Variants in LRRC37A observed in about 807,000 individuals in gnomAD.
LRRC37A encodes leucine rich repeat containing 37A.
In LRRC37A, 3 loss-of-function variants were observed where a neutral mutation model predicts 35.4. The ratio of observed to expected loss-of-function variants is 0.08; its 90% confidence interval spans 0.04 to 0.22. The LOEUF (loss-of-function observed/expected upper bound fraction) is 0.22. Ranked by LOEUF, LRRC37A falls within the 10% of genes least tolerant of loss-of-function variation. LRRC37A has a pLI of 1.00. For missense variants in LRRC37A, 67 were observed against 565.3 expected (o/e 0.12, Z 8.94); for synonymous variants, 23 against 215.0 (o/e 0.11, Z 7.81).
the LRRC37A span, among the ~76,000 whole-genome samples, chr17:46,264,203 A>G: frequency 6.8e-6 from 1 of 146,634 alleles, no homozygotes; most frequent in African/African-American, 2.6e-5. Flanking sequence ...AGCTCAAGTG[A>G]TCCGCTTCCC....
At chr17:46,258,318 C>T in the LRRC37A span, among the ~76,000 whole-genome samples, 1 of 151,968 alleles carries the variant, frequency 6.6e-6, no homozygotes, top group Admixed American at 6.6e-5. Flanking sequence ...TCAAGTGATT[C>T]TCCTGCCTCA....
chr17:46,265,309 CTTCTTCCTCT>C, the LRRC37A span, among the ~76,000 whole-genome samples: 156 of 96,136 alleles, frequency 1.6e-3, 1 homozygote, highest in East Asian at 0.044. Context: ...TCTTCTTCTT[CTTCTTCCTCT>C]TCTTCTTTTT....
the LRRC37A span, among the ~76,000 whole-genome samples, chr17:46,282,172 G>C: frequency 7.8e-6 from 1 of 128,738 alleles, no homozygotes; most frequent in Non-Finnish European, 1.9e-5. Flanking sequence ...GCGCAATCTC[G>C]GCTCACTGCA....
the LRRC37A span, chr17:46,268,673 A>G: frequency 0.09 from 111,542 of 1,244,746 alleles, 1 homozygote; most frequent in Middle Eastern, 0.13. Context: ...TTCAAGGTGC[A>G]ATTCATACCC....
the LRRC37A span, chr17:46,267,420 C>T: frequency 1.2e-6 from 2 of 1,612,656 alleles, no homozygotes; most frequent in East Asian, 4.5e-5. Context: ...AGATGAACCG[C>T]CTGTACCTCA....
At chr17:46,286,942 C>A in the LRRC37A span, among the ~76,000 whole-genome samples, 1 of 152,220 alleles carries the variant, frequency 6.6e-6, no homozygotes, top group South Asian at 2.1e-4. Context: ...GCAGTTAGTA[C>A]AAAGATCACA....
chr17:46,286,757 T>C, the LRRC37A span, among the ~76,000 whole-genome samples: 3 of 152,262 alleles, frequency 2.0e-5, no homozygotes, highest in African/African-American at 7.2e-5. Flanking sequence ...GCAATTTGGC[T>C]TCCTAAATTA....
chr17:46,255,444 C>T, the LRRC37A span, among the ~76,000 whole-genome samples: 1 of 145,892 alleles, frequency 6.9e-6, no homozygotes, highest in Non-Finnish European at 1.5e-5. Flanking sequence ...CTGCTCACTG[C>T]AACCTCCACC....
chr17:46,275,081 G>A, the LRRC37A span: 9 of 188,162 alleles, frequency 4.8e-5, no homozygotes, highest in South Asian at 1.2e-4. Flanking sequence ...TGGTAGAGAC[G>A]GGGTTTCTCC....
At chr17:46,251,258 CTTTTTTT>C in the LRRC37A span, among the ~76,000 whole-genome samples, 2 of 140,622 alleles carry the variant, frequency 1.4e-5, no homozygotes, top group Non-Finnish European at 3.1e-5. Context: ...TGCTTAACAT[CTTTTTTT>C]TTTTTTTTTT....
At chr17:46,271,171 T>TCTTTTC in the LRRC37A span, among the ~76,000 whole-genome samples, 25 of 150,518 alleles carry the variant, frequency 1.7e-4, no homozygotes, top group Non-Finnish European at 2.7e-4. Context: ...TTTCTTTTTT[T>TCTTTTC]TTTTTTTTTT....
At chr17:46,284,398 T>C in the LRRC37A span, among the ~76,000 whole-genome samples, 1 of 152,260 alleles carries the variant, frequency 6.6e-6, no homozygotes, top group African/African-American at 2.4e-5. Flanking sequence ...AGCCCTTAAT[T>C]CATTTAACCC....
chr17:46,250,934 G>C, the LRRC37A span, among the ~76,000 whole-genome samples: 7 of 150,056 alleles, frequency 4.7e-5, no homozygotes, highest in Non-Finnish European at 8.9e-5. Flanking sequence ...TCTTCCTCTT[G>C]TTTGTTTGAG....
At chr17:46,271,708 C>G in the LRRC37A span, among the ~76,000 whole-genome samples, 1 of 152,200 alleles carries the variant, frequency 6.6e-6, no homozygotes, top group Admixed American at 6.5e-5. Context: ...AAATAACACT[C>G]TAGGCCATTT....
chr17:46,267,012 C>T, the LRRC37A span: 5 of 174,592 alleles, frequency 2.9e-5, no homozygotes, highest in Non-Finnish European at 5.8e-5. Context: ...CCCGGCTCGC[C>T]GCCCGCGCCG....
chr17:46,256,922 C>G, the LRRC37A span, among the ~76,000 whole-genome samples: 22,023 of 152,084 alleles, frequency 0.14, 2,130 homozygotes, highest in Non-Finnish European at 0.22. Context: ...TAGACTTCAT[C>G]GCCATTTGTA....
At chr17:46,287,498 C>G in the LRRC37A span, among the ~76,000 whole-genome samples, 1 of 152,010 alleles carries the variant, frequency 6.6e-6, no homozygotes, top group Non-Finnish European at 1.5e-5. Context: ...AGAAGATAAA[C>G]GGTCAAAATA....
upstream of LRRC37A, among the ~76,000 whole-genome samples, chr17:46,288,041 A>G (rs977468253): frequency 6.6e-6 from 1 of 152,212 alleles, no homozygotes; most frequent in East Asian, 1.9e-4. Flanking sequence ...CTACCAAGGC[A>G]TTTCTTGGTA....
At chr17:46,249,302 A>G in the LRRC37A span, among the ~76,000 whole-genome samples, 1 of 152,316 alleles carries the variant, frequency 6.6e-6, no homozygotes, top group East Asian at 1.9e-4. Context: ...GCTGAGGCAC[A>G]AGAAGTGCTT....
Sources: allele counts gnomAD v4.1 joint callset (sites outside exome capture counted in the v4.1 genomes callset), GRCh38; gene constraint gnomAD v4.1.1; transcripts MANE v1.5; gene names NCBI Gene and HGNC (gene_info 2026-07-23, HGNC 2026-07-21).